Variants in AGPAT3 observed in about 807,000 individuals in gnomAD.
AGPAT3 encodes the protein 1-acylglycerol-3-phosphate O-acyltransferase 3, also known as 1-acyl-sn-glycerol-3-phosphate acyltransferase gamma.
A neutral mutation model predicts 47.3 loss-of-function variants in AGPAT3; 5 were observed. The observed-to-expected ratio is 0.11, with a 90% CI of 0.06 to 0.22. The LOEUF (loss-of-function observed/expected upper bound fraction) is 0.22, where lower values mean the gene tolerates loss of function less well. Among genes scored for constraint, AGPAT3 ranks in the 10% least tolerant of loss-of-function variants. The pLI is 1.00. For synonymous variants in AGPAT3, 212 were observed against 208.3 expected (o/e 1.02, Z -0.15); for missense variants, 315 against 493.0 (o/e 0.64, Z 3.42).
intron 7 of AGPAT3, among the ~76,000 whole-genome samples, chr21:43,977,387 C>T (rs1305248000): frequency 6.6e-6 from 1 of 152,200 alleles, no homozygotes; most frequent in Non-Finnish European, 1.5e-5. Context: ...CTCTCGGGAG[C>T]GCACACATGA....
At chr21:43,977,447 G>A (rs533731162) in intron 7 of AGPAT3, among the ~76,000 whole-genome samples, 8 of 152,314 alleles carry the variant, frequency 5.3e-5, no homozygotes, top group Non-Finnish European at 7.3e-5. Context: ...TAAATCACTC[G>A]TGGGCACCCT....
intron 2 of AGPAT3, among the ~76,000 whole-genome samples, chr21:43,909,316 G>A (rs2086576949): frequency 1.5e-5 from 2 of 129,932 alleles, no homozygotes; most frequent in Admixed American, 8.6e-5. Context: ...TTTTTTTTGA[G>A]ACGGGGTCTC....
At chr21:43,886,696 T>C (rs983976884) in intron 1 of AGPAT3, among the ~76,000 whole-genome samples, 1 of 152,262 alleles carries the variant, frequency 6.6e-6, no homozygotes, top group Non-Finnish European at 1.5e-5. Flanking sequence ...GAACATGTTA[T>C]GCTTGTCTTT....
At position 43,880,220 on chromosome 21, in the gene AGPAT3, T is replaced by G. The variant is rs1227005056; in HGVS notation, c.-112+14875T>G. ...TGTGTTCCTGGACCAGCGTCCGATT[T>G]CCCTGCTGCTGAATCACTTCATGGC... On this transcript the variant is annotated intron_variant, in intron 1 of 9. Coordinates refer to ENST00000291572, the MANE Select transcript of AGPAT3 (RefSeq NM_020132.5). This position sits in a 1 kb window ranked among gnomAD's most constrained non-coding sequence, Gnocchi z 4.5. 6.6e-6 allele frequency among the ~76,000 whole-genome samples: 1 copy of G among 152,184 alleles called. No homozygotes were observed. The highest frequency in any genetic ancestry group is 1.9e-4 in the East Asian group (1 of 5,182).
At chr21:43,897,557 C>T (rs75445421) in intron 1 of AGPAT3, among the ~76,000 whole-genome samples, 7,923 of 135,472 alleles carry the variant, frequency 0.058, 452 homozygotes, top group African/African-American at 0.17. Flanking sequence ...AGGGGGCGGC[C>T]GGGCAGAGGC....
intron 1 of AGPAT3, among the ~76,000 whole-genome samples, chr21:43,899,467 C>T (rs1041793565): frequency 6.6e-5 from 10 of 152,168 alleles, no homozygotes; most frequent in African/African-American, 1.9e-4. Flanking sequence ...CAGATCCGGC[C>T]GGGGATGTGC....
intron 1 of AGPAT3, among the ~76,000 whole-genome samples, chr21:43,870,224 A>G (rs901874081): frequency 6.6e-6 from 1 of 152,230 alleles, no homozygotes; most frequent in Non-Finnish European, 1.5e-5. Flanking sequence ...TACAGCGATC[A>G]GGACACACGT....
chr21:43,921,850 C>G (rs1052694505), intron 2 of AGPAT3, among the ~76,000 whole-genome samples: 2 of 152,084 alleles, frequency 1.3e-5, no homozygotes, highest in Non-Finnish European at 2.9e-5. Context: ...ATACTAACCT[C>G]CTGACAGCCT....
At position 43,905,334 on chromosome 21, in the gene AGPAT3, C is replaced by T. The variant is rs1046861058; in HGVS notation, c.-49+1315C>T. 4.0e-5 allele frequency among the ~76,000 whole-genome samples: 6 copies of T among 151,888 alleles called. No individual in the cohort carries two copies. In the South Asian group the frequency reaches 1.0e-3, roughly 26 times the overall value. The stretch of plus-strand genomic sequence containing the variant: ...CCCCCTGAGTAGCTGGGACTACAGG[C>T]GCCCGCCACCACGTCCGGCTAATTT... On this transcript the variant is annotated intron_variant, in intron 2 of 9. Transcript: ENST00000291572.
At chr21:43,927,798 G>A (rs1273394165) in intron 2 of AGPAT3, among the ~76,000 whole-genome samples, 1 of 152,218 alleles carries the variant, frequency 6.6e-6, no homozygotes, top group Non-Finnish European at 1.5e-5. Context: ...TCTGTAAGGT[G>A]TAAGGGCTTC....
chr21:43,911,728 A>G (rs1376025179), intron 2 of AGPAT3, among the ~76,000 whole-genome samples: 1 of 152,230 alleles, frequency 6.6e-6, no homozygotes, highest in African/African-American at 2.4e-5. Context: ...AAAGGGCTCT[A>G]TGCATGCACA....
intron 2 of AGPAT3, among the ~76,000 whole-genome samples, chr21:43,940,717 G>T (rs2087624646): frequency 6.6e-6 from 1 of 152,220 alleles, no homozygotes; most frequent in African/African-American, 2.4e-5. Context: ...ATGGTGATCT[G>T]CACCCTGAGC....
In AGPAT3 at chr21:43,935,276, C is replaced by T. The variant is rs570501527; in HGVS notation, c.-48-24358C>T. Among the ~76,000 whole-genome samples, 3 of 152,384 alleles carry T rather than the reference C, an allele frequency of 2.0e-5. No individual in the cohort carries two copies. The East Asian group carries it at 5.8e-4, about 29-fold the overall frequency. On this transcript the variant is annotated intron_variant, in intron 2 of 9. Transcript: ENST00000291572. The stretch of plus-strand genomic sequence containing the variant: ...GAGGGAGCAGGAGGCAGGCTCAGGA[C>T]ACACCACAAGAGCAAATGTCAGAGC...
intron 2 of AGPAT3, among the ~76,000 whole-genome samples, chr21:43,949,645 T>A (rs2088087810): frequency 6.6e-6 from 1 of 152,246 alleles, no homozygotes; most frequent in Admixed American, 6.5e-5. Context: ...AGGGCATGTG[T>A]TCAGGGAAGG....
chr21:43,888,715 G>A (rs925179167), intron 1 of AGPAT3, among the ~76,000 whole-genome samples: 6 of 152,238 alleles, frequency 3.9e-5, no homozygotes, highest in African/African-American at 1.4e-4. Flanking sequence ...CATGGGCCGG[G>A]CGAGGTGCTT....
At position 43,908,919 on chromosome 21, in the gene AGPAT3, C is replaced by T. The variant is rs1017637971; in HGVS notation, c.-49+4900C>T. The stretch of plus-strand genomic sequence containing the variant: ...GTCCCCGGATGCCCCTGCTGTGCTC[C>T]GAGGTTGGCCTGCGTCTTTTGCTCC... On this transcript the variant is annotated intron_variant, in intron 2 of 9. Transcript: ENST00000291572. This position sits in a 1 kb window ranked among gnomAD's most constrained non-coding sequence, Gnocchi z 4.9. 2.6e-5 allele frequency among the ~76,000 whole-genome samples: 4 copies of T among 152,172 alleles called. No individual in the cohort carries two copies. The highest frequency in any genetic ancestry group is 7.2e-5 in the African/African-American group (3 of 41,430).
chr21:43,943,909 T>C (rs1166219213), intron 2 of AGPAT3, among the ~76,000 whole-genome samples: 2 of 152,188 alleles, frequency 1.3e-5, no homozygotes, highest in Admixed American at 1.3e-4. Flanking sequence ...CCTAAACCAC[T>C]TTCCCGCCGC....
rs1187786023 is a variant in AGPAT3, at chr21:43,933,108, G to A, written c.-48-26526G>A. The stretch of plus-strand genomic sequence containing the variant: ...TCTTTTTGATAATAGCCAACTGAAC[G>A]GCATGAAATGACACCTCCCTGTGGC... On this transcript the variant is annotated intron_variant, in intron 2 of 9. Transcript: ENST00000291572. The surrounding 1 kb of genome is among the most constrained non-coding windows in gnomAD (Gnocchi z 6.0). Among the ~76,000 whole-genome samples the A allele has an allele frequency of 2.0e-5, 3 of 152,148 alleles. No homozygotes were observed. The highest frequency in any genetic ancestry group is 6.5e-5 in the Admixed American group (1 of 15,276).
Position 43,981,286 on chromosome 21 carries a change from G to T in AGPAT3, c.1042+99G>T, listed in dbSNP as rs987667415. Reference sequence around the variant, plus strand: ...TGACTCATCACAGTGGCTGTGGGAGGCAGGGGCCTGGCTGTTATGGACCCT... The same window carrying T: ...TGACTCATCACAGTGGCTGTGGGAGTCAGGGGCCTGGCTGTTATGGACCCT... On this transcript the variant is annotated intron_variant, in intron 9 of 9. Transcript: ENST00000291572. This position sits in a 1 kb window ranked among gnomAD's most constrained non-coding sequence, Gnocchi z 5.3. 91 of 1,331,718 alleles carry T rather than the reference G, an allele frequency of 6.8e-5. No homozygotes were observed. The Admixed American group carries it at 8.8e-4, about 13-fold the overall frequency. 82.5% of individuals were successfully genotyped at this position (1,331,718 alleles called of 1,614,324 possible).
Sources: gnomAD v4.1 joint callset for allele counts (sites outside exome capture counted in the v4.1 genomes callset) on GRCh38, gnomAD v4.1.1 for gene constraint, Gnocchi (gnomAD v3.1) non-coding constraint, MANE v1.5 for transcripts, NCBI Gene and HGNC (gene_info 2026-07-23, HGNC 2026-07-21) for gene names.